The following ANKRD55 variants were observed in gnomAD, a reference collection of about 807,000 sequenced individuals.
The protein encoded by ANKRD55 is ankyrin repeat domain-containing protein 55.
In ANKRD55, 41 loss-of-function variants were observed where a neutral mutation model predicts 60.6. The ratio of observed to expected loss-of-function variants is 0.68; its 90% CI spans 0.53 to 0.88. The LOEUF (loss-of-function observed/expected upper bound fraction) is 0.88, where lower values mean the gene tolerates loss of function less well. Among genes scored for constraint, ANKRD55 ranks in the 40% least tolerant of loss-of-function variants. The pLI, the probability that ANKRD55 is intolerant of heterozygous loss-of-function variation, is 0.00. For missense variants in ANKRD55, 732 were observed against 767.6 expected (o/e 0.95, Z 0.55); for synonymous variants, 264 against 290.3 (o/e 0.91, Z 0.92).
chr5:56,108,395 G>A (rs941168545), intron 10 of ANKRD55: 4 of 152,198 alleles, frequency 2.6e-5, no homozygotes, highest in Admixed American at 2.6e-4. Context: ...TTGAGGCCCT[G>A]AAGTGTCAAA....
intron 8 of ANKRD55, among the ~76,000 whole-genome samples, chr5:56,119,978 T>C (rs1031397794): frequency 1.3e-5 from 2 of 151,940 alleles, no homozygotes; most frequent in African/African-American, 2.4e-5. Context: ...TTTTGGTATG[T>C]GCAGTGAGGT....
chr5:56,217,895 CAAAAA>C (rs113477709), intron 2 of ANKRD55, among the ~76,000 whole-genome samples: 1 of 76,756 alleles, frequency 1.3e-5, no homozygotes, highest in Non-Finnish European at 2.8e-5. Context: ...GACTCCGTCT[CAAAAA>C]AAAAAAAAAA....
At chr5:56,194,095 A>T (rs1441833287) in intron 2 of ANKRD55, among the ~76,000 whole-genome samples, 1 of 152,150 alleles carries the variant, frequency 6.6e-6, no homozygotes, top group Non-Finnish European at 1.5e-5. Flanking sequence ...AAGCAGGTGG[A>T]TCACGAGGTC....
intron 4 of ANKRD55, among the ~76,000 whole-genome samples, chr5:56,171,750 G>T (rs1758614691): frequency 6.6e-6 from 1 of 152,056 alleles, no homozygotes; most frequent in Admixed American, 6.5e-5. Context: ...TTCGCGTCTA[G>T]GTAAACCTCA....
At chr5:56,199,807 C>T (rs953502181) in intron 2 of ANKRD55, among the ~76,000 whole-genome samples, 1 of 151,118 alleles carries the variant, frequency 6.6e-6, no homozygotes, top group Non-Finnish European at 1.5e-5. Context: ...AGGAGAATGG[C>T]ATGAACCCGG....
intron 2 of ANKRD55, among the ~76,000 whole-genome samples, chr5:56,185,324 G>A (rs1465224896): frequency 6.6e-6 from 1 of 152,134 alleles, no homozygotes; most frequent in Non-Finnish European, 1.5e-5. Context: ...GAGAGGCTGT[G>A]TTGATCAACT....
At chr5:56,212,816 T>C (rs1348817521) in intron 2 of ANKRD55, among the ~76,000 whole-genome samples, 1 of 152,208 alleles carries the variant, frequency 6.6e-6, no homozygotes, top group Non-Finnish European at 1.5e-5. Flanking sequence ...AGACAGCACA[T>C]GGGAATTATC....
chr5:56,115,818 CAA>C (rs1223046767), intron 9 of ANKRD55, among the ~76,000 whole-genome samples: 1 of 151,840 alleles, frequency 6.6e-6, no homozygotes, highest in African/African-American at 2.4e-5. Flanking sequence ...AAATGGATAA[CAA>C]TGCATATTTT....
chr5:56,220,858 C>G (rs985525054), intron 2 of ANKRD55, among the ~76,000 whole-genome samples: 3 of 152,034 alleles, frequency 2.0e-5, no homozygotes, highest in Non-Finnish European at 4.4e-5. Flanking sequence ...AACAAACATG[C>G]TTGCCTAGAC....
At chr5:56,117,438 C>T (rs957484744) in intron 8 of ANKRD55, among the ~76,000 whole-genome samples, 1 of 151,916 alleles carries the variant, frequency 6.6e-6, no homozygotes, top group East Asian at 1.9e-4. Flanking sequence ...TGTTACTTGA[C>T]TTTTAATTTA....
rs71602938 is a variant in ANKRD55 at position 56,106,420 on chromosome 5, C to CTTTTTTTTTTTTTTTTTT, written c.1631-3852_1631-3835dup. Among the ~76,000 whole-genome samples, 248 of 96,902 alleles carry CTTTTTTTTTTTTTTTTTT rather than the reference C, an allele frequency of 2.6e-3. 30 individuals are homozygous for CTTTTTTTTTTTTTTTTTT. The highest frequency in any genetic ancestry group is 0.01 in the African/African-American group (179 of 17,132). 63.6% of individuals were successfully genotyped at this position (96,902 alleles called of 152,430 possible). Reference sequence around the variant, plus strand: ...AATAAAATCCGTAAGGCTAGGAAAGCTTTTTTTTTTTTTTTTTTTTTTTGA... The same window carrying CTTTTTTTTTTTTTTTTTT: ...AATAAAATCCGTAAGGCTAGGAAAGCTTTTTTTTTTTTTTTTTTTTTTTTTTTTTTTTTTTTTTTTTGA... On this transcript the variant is annotated intron_variant, in intron 10 of 11. Coordinates refer to ENST00000341048, the MANE Select transcript of ANKRD55 (RefSeq NM_024669.3).
intron 2 of ANKRD55, among the ~76,000 whole-genome samples, chr5:56,214,698 G>T (rs998995028): frequency 7.1e-6 from 1 of 140,594 alleles, no homozygotes; most frequent in African/African-American, 2.8e-5. Flanking sequence ...GAAGGTGCTG[G>T]GTTATATATT....
At chr5:56,120,468 A>G (rs1724039795) in intron 8 of ANKRD55, among the ~76,000 whole-genome samples, 1 of 152,254 alleles carries the variant, frequency 6.6e-6, no homozygotes, top group Non-Finnish European at 1.5e-5. Context: ...TTGCAAAGTC[A>G]GGAAGGGAAA....
chr5:56,181,886 T>C (rs1269122877), intron 3 of ANKRD55, among the ~76,000 whole-genome samples: 2 of 152,194 alleles, frequency 1.3e-5, no homozygotes, highest in African/African-American at 2.4e-5. Context: ...TGAGCCACCG[T>C]GTCCGGCCTA....
chr5:56,111,643 G>A lies in ANKRD55; in HGVS notation c.1105C>T (p.Arg369Ter), dbSNP rs769226883. The change falls in exon 10 of 12, where the codon CGA becomes TGA. Residue 369 changes from arginine (R) to a stop codon, truncating the protein, a stop_gained. Coordinates refer to ENST00000341048, the MANE Select transcript of ANKRD55 (RefSeq NM_024669.3). LOFTEE classifies it high-confidence loss of function. The part of the protein sequence containing the change: ...RAHQKDPSRD[R>*]YREEDTSEVN... Reference sequence around the variant, plus strand: ...TCTGAGGTGTCCTCCTCTCTGTATCGGTCCCTGCTGGGATCCTTCTGATGG... The same window carrying A: ...TCTGAGGTGTCCTCCTCTCTGTATCAGTCCCTGCTGGGATCCTTCTGATGG... The A allele has an allele frequency of 1.5e-5, 23 of 1,547,508 alleles. No individual in the cohort carries two copies. Among genetic ancestry groups the A allele is most frequent in the Admixed American group, 2.1e-5 (1 of 47,838 alleles).
At chr5:56,174,706 C>T (rs1384482896) in intron 4 of ANKRD55, among the ~76,000 whole-genome samples, 1 of 151,974 alleles carries the variant, frequency 6.6e-6, no homozygotes, top group African/African-American at 2.4e-5. Flanking sequence ...GTGGTGCATG[C>T]CTGTAGTCCC....
intron 7 of ANKRD55, 59 bp from the exon 8 acceptor site, chr5:56,127,165 G>C (rs1757288164): frequency 7.4e-7 from 1 of 1,352,964 alleles, no homozygotes; most frequent in East Asian, 2.7e-5. Context: ...TCTCTGTCTA[G>C]GCATGTTAAG....
At chr5:56,161,438 G>A (rs1758327015) in intron 5 of ANKRD55, among the ~76,000 whole-genome samples, 2 of 152,272 alleles carry the variant, frequency 1.3e-5, no homozygotes. Context: ...AATCTTTATC[G>A]TCTCTCAGAT....
intron 10 of ANKRD55, among the ~76,000 whole-genome samples, chr5:56,103,057 T>C (rs1756338664): frequency 6.6e-6 from 1 of 152,152 alleles, no homozygotes; most frequent in African/African-American, 2.4e-5. Context: ...GGTTATTAGA[T>C]CAGAATCTCT....
Sources: gnomAD v4.1 joint callset for allele counts (sites outside exome capture counted in the v4.1 genomes callset) on GRCh38, gnomAD v4.1.1 for gene constraint, MANE v1.5 for transcripts, NCBI Gene and HGNC (gene_info 2026-07-23, HGNC 2026-07-21) for gene names.